Variants in AUH observed in about 807,000 individuals in gnomAD.
AUH encodes the protein methylglutaconyl-CoA hydratase, mitochondrial.
In AUH, 29 loss-of-function variants were observed where a neutral mutation model predicts 42.3. The ratio of observed to expected loss-of-function variants is 0.69; its 90% CI spans 0.51 to 0.93. The LOEUF (loss-of-function observed/expected upper bound fraction) is 0.93. Among genes scored for constraint, AUH ranks in the 40% least tolerant of loss-of-function variants. The pLI is 0.00. For synonymous variants in AUH, 174 were observed against 166.4 expected, an observed-to-expected ratio of 1.05 and a Z score of -0.35; for missense variants, 452 against 438.1, an observed-to-expected ratio of 1.03 and a Z score of -0.28.
At chr9:91,297,584 T>C (rs1449838658) in intron 5 of AUH, among the ~76,000 whole-genome samples, 1 of 150,056 alleles carries the variant, frequency 6.7e-6, no homozygotes, top group African/African-American at 2.4e-5. Context: ...TTTCCTTTTT[T>C]TCTTTCCTTT....
intron 6 of AUH, among the ~76,000 whole-genome samples, chr9:91,229,472 G>A (rs1260403261): frequency 1.3e-5 from 2 of 150,812 alleles, no homozygotes; most frequent in Non-Finnish European, 3.0e-5. Flanking sequence ...TGGGCTTCCT[G>A]AATACAGCAC....
At chr9:91,327,179 C>T (rs988436106) in intron 3 of AUH, among the ~76,000 whole-genome samples, 1 of 152,268 alleles carries the variant, frequency 6.6e-6, no homozygotes, top group African/African-American at 2.4e-5. Context: ...CTATATACTC[C>T]GCCCTGCCTC....
intron 3 of AUH, among the ~76,000 whole-genome samples, chr9:91,351,589 T>TGAATG (rs1831990220): frequency 6.6e-6 from 1 of 152,182 alleles, no homozygotes; most frequent in African/African-American, 2.4e-5. Flanking sequence ...CCCGAGTTGA[T>TGAATG]GAATGGTACT....
intron 6 of AUH, among the ~76,000 whole-genome samples, chr9:91,265,398 T>A (rs1407285481): frequency 6.6e-6 from 1 of 152,206 alleles, no homozygotes; most frequent in African/African-American, 2.4e-5. Context: ...TAGCTCTTTT[T>A]TGTAATATCA....
At chr9:91,284,154 T>C (rs1338701741) in intron 6 of AUH, among the ~76,000 whole-genome samples, 1 of 151,904 alleles carries the variant, frequency 6.6e-6, no homozygotes, top group Non-Finnish European at 1.5e-5. Flanking sequence ...TCAGAAATAA[T>C]ACCACACATC....
chr9:91,327,772 C>T (rs1193276815), intron 3 of AUH, among the ~76,000 whole-genome samples: 1 of 152,214 alleles, frequency 6.6e-6, no homozygotes, highest in African/African-American at 2.4e-5. Context: ...TGAAGAGCTG[C>T]AACATTTCTG....
intron 4 of AUH, chr9:91,306,332 T>G: frequency 1.0e-6 from 1 of 983,934 alleles, no homozygotes; most frequent in Non-Finnish European, 1.2e-6. Flanking sequence ...CACTTACTAG[T>G]AGAACTGAGT....
rs745778733 is a variant in AUH at position 91,361,686 on chromosome 9, G to C, written c.204C>G (p.Ser68Arg). Residue 68 changes from serine (S) to arginine (R), a missense_variant, in exon 1 of 10, where the codon AGC becomes AGG. Ser to Arg is a moderately radical substitution (Grantham distance 110, BLOSUM62 -1). Coordinates refer to ENST00000375731, the MANE Select transcript of AUH (RefSeq NM_001698.3). ...GCTCGTCCTCCGTCTTCATCTCAGA[G>C]CTGTAGCCCCTTTTCGGGGCGGGAC... Reference protein sequence around the residue: ...AGGPAPKRGYSSEMKTEDELR... With the variant: ...AGGPAPKRGYRSEMKTEDELR... 142 of 1,573,496 alleles carry C rather than the reference G, an allele frequency of 9.0e-5. No homozygotes were observed. Among genetic ancestry groups the C allele is most frequent in the Non-Finnish European group, 1.2e-4 (137 of 1,159,746 alleles).
intron 1 of AUH, among the ~76,000 whole-genome samples, chr9:91,358,227 AT>A (rs1296113630): frequency 1.3e-5 from 2 of 152,244 alleles, no homozygotes; most frequent in African/African-American, 2.4e-5. Context: ...GAAAGATGAC[AT>A]TTAATGAGAC....
chr9:91,257,515 C>T (rs187263790), intron 6 of AUH, among the ~76,000 whole-genome samples: 32 of 152,232 alleles, frequency 2.1e-4, no homozygotes, highest in Admixed American at 1.2e-3. Context: ...GAAGGGGGTC[C>T]TGGAGAGGAC....
intron 4 of AUH, among the ~76,000 whole-genome samples, chr9:91,316,711 G>A (rs540491603): frequency 6.6e-6 from 1 of 152,210 alleles, no homozygotes; most frequent in Admixed American, 6.5e-5. Context: ...ATGTCCTCTT[G>A]CTGACTTCAA....
chr9:91,349,679 GACACACACACAC>G (rs35888854), intron 3 of AUH, among the ~76,000 whole-genome samples: 9 of 149,070 alleles, frequency 6.0e-5, no homozygotes, highest in East Asian at 2.0e-4. Context: ...CAGAGAGACA[GACACACACACAC>G]ACACACACAC....
chr9:91,294,344 T>C (rs1038381819), intron 6 of AUH, among the ~76,000 whole-genome samples: 1 of 152,120 alleles, frequency 6.6e-6, no homozygotes, highest in South Asian at 2.1e-4. Flanking sequence ...GGTCAAGAGA[T>C]CAAGACCATC....
chr9:91,345,236 GA>G (rs1405167332), intron 3 of AUH, among the ~76,000 whole-genome samples: 1 of 152,046 alleles, frequency 6.6e-6, no homozygotes, highest in African/African-American at 2.4e-5. Context: ...GAACAGATAG[GA>G]AAGGAAGAAG....
chr9:91,341,241 C>T (rs1831077596), intron 3 of AUH, among the ~76,000 whole-genome samples: 1 of 152,112 alleles, frequency 6.6e-6, no homozygotes, highest in Non-Finnish European at 1.5e-5. Context: ...AACTGGGCAG[C>T]CTTGGAGAAA....
At chr9:91,292,340 G>A (rs1826972170) in intron 6 of AUH, among the ~76,000 whole-genome samples, 1 of 149,602 alleles carries the variant, frequency 6.7e-6, no homozygotes, top group South Asian at 2.1e-4. Flanking sequence ...GTGCGGTGGT[G>A]TGATCTCGGC....
intron 6 of AUH, among the ~76,000 whole-genome samples, chr9:91,225,807 G>C (rs923082211): frequency 6.6e-6 from 1 of 151,272 alleles, no homozygotes; most frequent in African/African-American, 2.4e-5. Context: ...GCGGTGTTTG[G>C]TTTTTTGTTC....
chr9:91,346,168 T>C (rs1831494264), intron 3 of AUH, among the ~76,000 whole-genome samples: 1 of 152,044 alleles, frequency 6.6e-6, no homozygotes, highest in Admixed American at 6.5e-5. Context: ...AGAGGGCCCC[T>C]AGATAGCTCC....
At chr9:91,245,787 T>C (rs147257475) in intron 6 of AUH, among the ~76,000 whole-genome samples, 212 of 152,290 alleles carry the variant, frequency 1.4e-3, no homozygotes, top group African/African-American at 4.9e-3. Context: ...GGAGCCAGGA[T>C]GCAAGCCTGG....
Sources: allele counts gnomAD v4.1 joint callset (sites outside exome capture counted in the v4.1 genomes callset), GRCh38; gene constraint gnomAD v4.1.1; transcripts MANE v1.5; gene names NCBI Gene and HGNC (gene_info 2026-07-23, HGNC 2026-07-21).